Variants in P2RY14 observed in about 807,000 individuals in gnomAD.
The protein encoded by P2RY14 is P2Y purinoceptor 14.
In P2RY14, 2 loss-of-function variants were observed where a neutral mutation model predicts 0.9. The ratio of observed to expected loss-of-function variants is 2.16; its 90% CI spans 0.88 to 6.79. The LOEUF is 6.79. Among genes scored for constraint, P2RY14 ranks in the 30% most tolerant of loss-of-function variants. P2RY14 has a pLI of 0.05. For missense variants in P2RY14, 378 were observed against 400.1 expected (o/e 0.94, Z 0.47); for synonymous variants, 158 against 147.2 (o/e 1.07, Z -0.53).
At chr3:151,278,240 C>G (rs919832783) in intron 1 of P2RY14, 47 bp downstream of exon 1, 1 of 152,226 alleles carries the variant, frequency 6.6e-6, no homozygotes, top group Non-Finnish European at 1.5e-5. Context: ...TTCCCATGCA[C>G]CATTCACATA....
chr3:151,270,197 G>A (rs1024476938), intron 1 of P2RY14: 1 of 3,856 alleles, frequency 2.6e-4, no homozygotes, highest in Admixed American at 5.3e-3. Flanking sequence ...GCAAGCTGTC[G>A]TGTGTGTGTG....
chr3:151,273,741 A>G (rs1351666123), intron 1 of P2RY14, among the ~76,000 whole-genome samples: 1 of 152,196 alleles, frequency 6.6e-6, no homozygotes, highest in African/African-American at 2.4e-5. Context: ...ATGCTATACT[A>G]CTTGGCATTG....
intron 1 of P2RY14, among the ~76,000 whole-genome samples, chr3:151,229,622 G>T (rs1731237257): frequency 6.6e-6 from 1 of 151,936 alleles, no homozygotes; most frequent in Middle Eastern, 3.2e-3. Flanking sequence ...GGGACTACAG[G>T]CGCCCACCAC....
intron 1 of P2RY14, among the ~76,000 whole-genome samples, chr3:151,245,872 C>T (rs965605486): frequency 1.3e-5 from 2 of 151,606 alleles, no homozygotes; most frequent in Admixed American, 1.3e-4. Flanking sequence ...TAGAAAACCC[C>T]ATCGTTTCAG....
intron 1 of P2RY14, among the ~76,000 whole-genome samples, chr3:151,239,859 C>T (rs1733723684): frequency 1.3e-5 from 2 of 152,152 alleles, no homozygotes; most frequent in South Asian, 4.1e-4. Context: ...CAAAAAAGGA[C>T]ACCACATTTT....
intron 2 of P2RY14, among the ~76,000 whole-genome samples, chr3:151,216,073 C>T (rs1223414744): frequency 1.3e-5 from 2 of 152,228 alleles, no homozygotes; most frequent in Non-Finnish European, 1.5e-5. Context: ...CTCCTATCAA[C>T]ACTCCTCTCT....
chr3:151,261,907 A>G (rs956176520), intron 1 of P2RY14, among the ~76,000 whole-genome samples: 4 of 152,052 alleles, frequency 2.6e-5, no homozygotes, highest in African/African-American at 9.7e-5. Context: ...TTGTATTTTT[A>G]GTAGAGACGG....
At chr3:151,268,023 C>T (rs188463347) in intron 1 of P2RY14, among the ~76,000 whole-genome samples, 8 of 152,104 alleles carry the variant, frequency 5.3e-5, no homozygotes, top group Admixed American at 3.3e-4. Context: ...TAGTCTTATG[C>T]GTTCTTAGTA....
intron 1 of P2RY14, among the ~76,000 whole-genome samples, chr3:151,246,514 A>C (rs1470142309): frequency 6.6e-6 from 1 of 152,158 alleles, no homozygotes; most frequent in Non-Finnish European, 1.5e-5. Context: ...AAAACAAGCA[A>C]TGGGGAAAGG....
intron 1 of P2RY14, among the ~76,000 whole-genome samples, chr3:151,233,859 G>C (rs1022195457): frequency 1.3e-5 from 2 of 152,220 alleles, no homozygotes; most frequent in Admixed American, 1.3e-4. Flanking sequence ...GTCCTGAATT[G>C]TGTGTTTTTT....
intron 1 of P2RY14, among the ~76,000 whole-genome samples, chr3:151,231,273 G>A (rs1423724699): frequency 1.3e-5 from 2 of 152,226 alleles, no homozygotes; most frequent in Admixed American, 6.5e-5. Context: ...AACTGATTCA[G>A]GCAATAAGCT....
At chr3:151,228,797 G>T (rs1026520640) in intron 1 of P2RY14, among the ~76,000 whole-genome samples, 26 of 152,118 alleles carry the variant, frequency 1.7e-4, no homozygotes, top group Non-Finnish European at 2.8e-4. Context: ...TTTTCTCCTG[G>T]AACTAGGTTG....
intron 1 of P2RY14, among the ~76,000 whole-genome samples, chr3:151,236,233 A>T (rs1732764075): frequency 6.6e-6 from 1 of 152,194 alleles, no homozygotes; most frequent in South Asian, 2.1e-4. Context: ...CAAATTAAGG[A>T]TTTCCTTAAC....
intron 1 of P2RY14, among the ~76,000 whole-genome samples, chr3:151,262,597 A>G (rs1390834004): frequency 6.6e-6 from 1 of 152,226 alleles, no homozygotes; most frequent in African/African-American, 2.4e-5. Context: ...TGTTTTTTAA[A>G]TTTACTAAGG....
At chr3:151,221,126 C>G (rs1295730751) in intron 1 of P2RY14, among the ~76,000 whole-genome samples, 1 of 152,104 alleles carries the variant, frequency 6.6e-6, no homozygotes, top group Non-Finnish European at 1.5e-5. Flanking sequence ...TTTGCCCCTA[C>G]CCTAGAGATT....
intron 1 of P2RY14, among the ~76,000 whole-genome samples, chr3:151,251,333 A>G (rs1255879478): frequency 6.6e-6 from 1 of 152,066 alleles, no homozygotes; most frequent in Non-Finnish European, 1.5e-5. Context: ...TCAACAATTA[A>G]ACACTCTGTC....
At position 151,233,221 on chromosome 3, in the gene P2RY14, G is replaced by A. The variant is rs539174096; in HGVS notation, c.-132-13579C>T. Reference sequence around the variant, plus strand: ...CTCACCTCCACAGGGTAGCACTCTCGTGCCCTCTGAGTTTAGTCATGCCTC... The same window carrying A: ...CTCACCTCCACAGGGTAGCACTCTCATGCCCTCTGAGTTTAGTCATGCCTC... On this transcript the variant is annotated intron_variant, in intron 1 of 2. Coordinates refer to ENST00000309170, the MANE Select transcript of P2RY14 (RefSeq NM_014879.4). Among the ~76,000 whole-genome samples the A allele has an allele frequency of 6.6e-5, 10 of 152,218 alleles. No homozygotes were observed. In the South Asian group the frequency reaches 1.7e-3, roughly 25 times the overall value.
rs1024003969 is a variant in P2RY14 at position 151,213,212 on chromosome 3, G to A, written c.*88C>T. The A allele has an allele frequency of 1.0e-6, 1 of 994,914 alleles. No homozygotes were observed. Among genetic ancestry groups the A allele is most frequent in the South Asian group, 1.7e-5 (1 of 60,024 alleles). The allele number at this position is 994,914 out of a possible 1,614,324, so 61.6% of individuals were successfully genotyped here. A position where few individuals can be genotyped will look rare whatever the true frequency, so the allele number is the denominator to read the frequency against. On this transcript the variant is annotated 3_prime_UTR_variant, in exon 3 of 3. Transcript: ENST00000309170. ...TGGCAGTGCTAGAGATGATATTTAT[G>A]ATGAGGGCACATATCTTATTGATTT... is the stretch of plus-strand genomic sequence containing the variant.
chr3:151,228,753 A>G (rs1731030013), intron 1 of P2RY14, among the ~76,000 whole-genome samples: 1 of 151,894 alleles, frequency 6.6e-6, no homozygotes, highest in Non-Finnish European at 1.5e-5. Flanking sequence ...GCTCTGCATC[A>G]CTCCTGGCTT....
Sources: allele counts gnomAD v4.1 joint callset (sites outside exome capture counted in the v4.1 genomes callset), GRCh38; gene constraint gnomAD v4.1.1; transcripts MANE v1.5; gene names NCBI Gene and HGNC (gene_info 2026-07-23, HGNC 2026-07-21).